XRCC5: variants seen among roughly 807,000 people sequenced by gnomAD.
The protein encoded by XRCC5 is DNA repair protein Ku80.
In XRCC5, 12 loss-of-function variants were observed where a neutral mutation model predicts 95.7. The observed-to-expected ratio is 0.13, with a 90% confidence interval of 0.08 to 0.20. XRCC5 has a LOEUF of 0.20. XRCC5 is among the 10% of genes least tolerant of loss of function. The probability of loss-of-function intolerance (pLI) is 1.00; values close to 1 mark genes in which losing one functional copy is unlikely to be tolerated. For synonymous variants in XRCC5, 281 were observed against 290.3 expected (o/e 0.97, Z 0.33); for missense variants, 595 against 873.9 (o/e 0.68, Z 4.02).
Position 216,149,548 on chromosome 2 carries a change from G to A in XRCC5, c.1670+1272G>A, listed in dbSNP as rs2106020010. On this transcript the variant is annotated intron_variant, in intron 14 of 20. Transcript: ENST00000392132. ...TTTTAAAACAGTTCAATAAAAGTCT[G>A]CAGCCTTTTCTTTCTATGACACCTT... 2.0e-5 allele frequency among the ~76,000 whole-genome samples: 3 copies of A among 152,234 alleles called. No individual in the cohort carries two copies. The Middle Eastern group carries it at 0.01, about 518-fold the overall frequency.
At chr2:216,142,786 C>A (rs950859270) in intron 13 of XRCC5, among the ~76,000 whole-genome samples, 1 of 152,104 alleles carries the variant, frequency 6.6e-6, no homozygotes, top group Non-Finnish European at 1.5e-5. Flanking sequence ...GAGGGATCCT[C>A]TACTTGAAAG....
chr2:216,172,530 G>A (rs1488307622), intron 16 of XRCC5, among the ~76,000 whole-genome samples: 1 of 138,250 alleles, frequency 7.2e-6, no homozygotes, highest in Non-Finnish European at 1.5e-5. Context: ...GCACAGTGGT[G>A]CGATCCTAGC....
intron 13 of XRCC5, among the ~76,000 whole-genome samples, chr2:216,144,828 G>A (rs1688592541): frequency 6.6e-6 from 1 of 152,206 alleles, no homozygotes; most frequent in African/African-American, 2.4e-5. Context: ...AGCACACTGG[G>A]TGAGTAGGAG....
chr2:216,152,345 C>T (rs764958735), intron 14 of XRCC5, among the ~76,000 whole-genome samples: 19 of 151,996 alleles, frequency 1.3e-4, no homozygotes, highest in Non-Finnish European at 2.5e-4. Flanking sequence ...GAGGCTGAGG[C>T]ACGAAAATTG....
At position 216,162,026 on chromosome 2, in the gene XRCC5, G is replaced by A. The variant is rs1688962345; in HGVS notation, c.1812G>A (p.Gln604=). The A allele has an allele frequency of 1.2e-6, 2 of 1,614,148 alleles. No homozygotes were observed. The highest frequency in any genetic ancestry group is 3.3e-5 in the Admixed American group (2 of 60,024). ...PAENFRVLVK[Q]KKASFEEASN... ...AAAACTTCCGTGTTCTAGTGAAACA[G>A]AAGAAGGCCAGCTTTGAGGAAGGTG... The change falls in exon 16 of 21, where the codon CAG becomes CAA. Residue 604 remains glutamine, a synonymous_variant. Transcript: ENST00000392132.
chr2:216,160,615 A>G (rs1213800336), intron 15 of XRCC5, among the ~76,000 whole-genome samples: 1 of 152,208 alleles, frequency 6.6e-6, no homozygotes, highest in African/African-American at 2.4e-5. Context: ...CCTTTGATAC[A>G]TGAGATTTTT....
At position 216,122,717 on chromosome 2, in the gene XRCC5, T is replaced by G. The variant is rs556948156; in HGVS notation, c.683+464T>G. ...GCATACTATGGTATAGTGATTTTTTTTTTAAACTTTTGATCACAAAGCAGT... is the reference window on the plus strand; with the variant it reads ...GCATACTATGGTATAGTGATTTTTTGTTTAAACTTTTGATCACAAAGCAGT... On this transcript the variant is annotated intron_variant, in intron 6 of 20. Coordinates refer to ENST00000392132, the MANE Select transcript of XRCC5 (RefSeq NM_021141.4). Among the ~76,000 whole-genome samples, 9 of 152,136 alleles carry G rather than the reference T, an allele frequency of 5.9e-5. No homozygotes were observed. The South Asian group carries it at 1.7e-3, about 28-fold the overall frequency.
At chr2:216,138,544 T>C (rs1279961484) in intron 12 of XRCC5, among the ~76,000 whole-genome samples, 1 of 152,214 alleles carries the variant, frequency 6.6e-6, no homozygotes, top group Non-Finnish European at 1.5e-5. Context: ...GATGTAGCTT[T>C]GAAATGAAAA....
At chr2:216,156,298 G>T in intron 14 of XRCC5, 1 of 581,806 alleles carries the variant, frequency 1.7e-6, no homozygotes. Context: ...GGTTCCAAAG[G>T]CAGGAAGCAG....
chr2:216,125,183 CT>C (rs779285378), intron 6 of XRCC5, among the ~76,000 whole-genome samples: 20 of 143,560 alleles, frequency 1.4e-4, no homozygotes, highest in South Asian at 4.4e-4. Flanking sequence ...AACAGAGGTT[CT>C]TTTTTTTTTC....
At chr2:216,109,818 TG>T (rs1240911262) in intron 1 of XRCC5, among the ~76,000 whole-genome samples, 1 of 151,882 alleles carries the variant, frequency 6.6e-6, no homozygotes, top group Admixed American at 6.6e-5. Flanking sequence ...CTTCCGAGCC[TG>T]GGTTCTTAAG....
intron 16 of XRCC5, among the ~76,000 whole-genome samples, chr2:216,181,878 A>G (rs1689395558): frequency 6.6e-6 from 1 of 152,162 alleles, no homozygotes; most frequent in Non-Finnish European, 1.5e-5. Context: ...TGACCTCTAG[A>G]ATACTGTAAA....
At chr2:216,186,654 C>T (rs1027852092) in intron 16 of XRCC5, among the ~76,000 whole-genome samples, 6 of 152,110 alleles carry the variant, frequency 3.9e-5, no homozygotes, top group Admixed American at 1.3e-4. Context: ...CTTCCAATGG[C>T]CATTTTTTAT....
chr2:216,134,344 CTTTAG>C (rs749095493), intron 10 of XRCC5, among the ~76,000 whole-genome samples: 1 of 151,324 alleles, frequency 6.6e-6, no homozygotes, highest in Non-Finnish European at 1.5e-5. Context: ...GGAAATGGAG[CTTTAG>C]TTAAGTTATA....
chr2:216,195,733 G>A (rs1689707166), intron 19 of XRCC5, among the ~76,000 whole-genome samples: 1 of 152,152 alleles, frequency 6.6e-6, no homozygotes, highest in Admixed American at 6.5e-5. Context: ...TAGTTCAGTA[G>A]TCCTTCATTG....
intron 4 of XRCC5, among the ~76,000 whole-genome samples, chr2:216,118,584 A>G (rs910816606): frequency 3.9e-5 from 6 of 152,172 alleles, no homozygotes; most frequent in African/African-American, 1.4e-4. Context: ...AATCATTTGC[A>G]CTAAAATCCC....
chr2:216,131,130 G>A lies in XRCC5; in HGVS notation c.1050+143G>A, dbSNP rs908377461. ...GTAGTCTGGGGGTTAATGTTGCCATGGTATGTATTTTATACATTGGGAAAC... is the reference window on the plus strand; with the variant it reads ...GTAGTCTGGGGGTTAATGTTGCCATAGTATGTATTTTATACATTGGGAAAC... On this transcript the variant is annotated intron_variant, in intron 9 of 20. Transcript: ENST00000392132. 4.3e-6 allele frequency: 6 copies of A among 1,409,664 alleles called. No homozygotes were observed. The Admixed American group carries it at 1.9e-4, about 44-fold the overall frequency. The allele number at this position is 1,409,664 out of a possible 1,614,324, so 87.3% of individuals were successfully genotyped here. A position where few individuals can be genotyped will look rare whatever the true frequency, so the allele number is the denominator to read the frequency against.
intron 8 of XRCC5, chr2:216,127,934 T>C (rs1390281081): frequency 5.0e-6 from 1 of 200,532 alleles, no homozygotes; most frequent in African/African-American, 2.3e-5. Context: ...ATACTTGGCT[T>C]TATTTTAAAG....
chr2:216,184,032 C>CTGTGTGTGTGTGTGTGTGTGTG (rs3221952), intron 16 of XRCC5, among the ~76,000 whole-genome samples: 125 of 145,724 alleles, frequency 8.6e-4, no homozygotes, highest in Middle Eastern at 3.4e-3. Flanking sequence ...TAAGTCAGCA[C>CTGTGTGTGTGTGTGTGTGTGTG]TGTGTGTGTG....
Sources: allele counts gnomAD v4.1 joint callset (sites outside exome capture counted in the v4.1 genomes callset), GRCh38; gene constraint gnomAD v4.1.1; transcripts MANE v1.5; gene names NCBI Gene and HGNC (gene_info 2026-07-23, HGNC 2026-07-21).